The following FCGR2A variants were observed in gnomAD, a reference collection of about 807,000 sequenced individuals.
FCGR2A encodes Fc gamma receptor IIa, also known as low affinity immunoglobulin gamma Fc region receptor II-a.
Under a neutral mutation model 29.3 loss-of-function variants are expected in FCGR2A, and 18 were observed. The observed-to-expected ratio is 0.62, with a 90% CI of 0.43 to 0.91. The LOEUF (loss-of-function observed/expected upper bound fraction) is 0.91, where lower values mean the gene tolerates loss of function less well. Ranked by LOEUF, FCGR2A falls within the 40% of genes least tolerant of loss-of-function variation. The pLI is 0.00. For missense variants in FCGR2A, 287 were observed against 393.0 expected (o/e 0.73, Z 2.28); for synonymous variants, 126 against 144.8 (o/e 0.87, Z 0.93).
rs755168729 is a variant in FCGR2A at position 161,513,949 on chromosome 1, A to G, written c.780+17A>G. ...CAATTTGAGGTGAGTAATCCCAGCC[A>G]TCTCCTTTTCCTCCTGCCTTGTCCC... On this transcript the variant is annotated intron_variant, in intron 6 of 6. Coordinates refer to ENST00000271450, the MANE Select transcript of FCGR2A (RefSeq NM_001136219.3). 34 of 1,614,070 alleles carry G rather than the reference A, an allele frequency of 2.1e-5. No homozygotes were observed. Among genetic ancestry groups the G allele is most frequent in the Middle Eastern group, 3.3e-4 (2 of 6,084 alleles).
At chr1:161,523,347 A>C (rs1676528746), downstream of FCGR2A, 1 of 152,134 alleles carries the variant, frequency 6.6e-6, no homozygotes, top group African/African-American at 2.4e-5. Context: ...GAAAGTGGGA[A>C]ATGGCCTCAA....
chr1:161,513,937 G>A lies in FCGR2A; in HGVS notation c.780+5G>A, dbSNP rs1256300576. 2.0e-5 allele frequency: 32 copies of A among 1,614,228 alleles called. No individual in the cohort carries two copies. The highest frequency in any genetic ancestry group is 2.6e-5 in the Non-Finnish European group (31 of 1,180,042). On this transcript the variant is annotated splice_donor_5th_base_variant and intron_variant, in intron 6 of 6. Coordinates refer to ENST00000271450, the MANE Select transcript of FCGR2A (RefSeq NM_001136219.3). ...GTGAAGGCTGCCCAATTTGAGGTGA[G>A]TAATCCCAGCCATCTCCTTTTCCTC...
At chr1:161,521,507 A>ATATG (rs1241866309), downstream of FCGR2A, among the ~76,000 whole-genome samples, 3 of 151,402 alleles carry the variant, frequency 2.0e-5, no homozygotes, top group Non-Finnish European at 4.4e-5. Flanking sequence ...ACTTTTATAT[A>ATATG]TATATAGTTT....
chr1:161,516,745 G>T (rs1301690793), intron 6 of FCGR2A, among the ~76,000 whole-genome samples: 3 of 147,688 alleles, frequency 2.0e-5, no homozygotes, highest in Non-Finnish European at 1.5e-5. Flanking sequence ...CAAATTCTAG[G>T]CCTGTTCATT....
At chr1:161,515,043 G>A (rs1251383044) in intron 6 of FCGR2A, among the ~76,000 whole-genome samples, 1 of 152,278 alleles carries the variant, frequency 6.6e-6, no homozygotes, top group African/African-American at 2.4e-5. Flanking sequence ...TACCAGAGAT[G>A]ACTTAAAGTT....
chr1:161,510,727 C>A, intron 4 of FCGR2A, 107 bp from the exon 5 acceptor site: 1 of 1,415,194 alleles, frequency 7.1e-7, no homozygotes, highest in Non-Finnish European at 9.7e-7. Flanking sequence ...CTTCAGGTGA[C>A]AAGCACTGGG....
chr1:161,507,737 C>T (rs1453108503), intron 3 of FCGR2A, among the ~76,000 whole-genome samples: 1 of 152,156 alleles, frequency 6.6e-6, no homozygotes, highest in East Asian at 1.9e-4. Flanking sequence ...ATTGGCTTCC[C>T]AGAGACAGCC....
intron 3 of FCGR2A, 122 bp downstream of exon 3, chr1:161,506,713 T>A: frequency 6.7e-7 from 1 of 1,501,588 alleles, no homozygotes; most frequent in Non-Finnish European, 9.0e-7. Flanking sequence ...CTGTTGTGAG[T>A]TGCTCATTCA....
chr1:161,516,245 C>G (rs1571982804), intron 6 of FCGR2A, among the ~76,000 whole-genome samples: 1 of 152,038 alleles, frequency 6.6e-6, no homozygotes, highest in East Asian at 1.9e-4. Context: ...CCAGATAAGA[C>G]AAACTACTAA....
chr1:161,521,518 G>A (rs1274008364), downstream of FCGR2A, among the ~76,000 whole-genome samples: 1 of 151,368 alleles, frequency 6.6e-6, no homozygotes, highest in Non-Finnish European at 1.5e-5. Context: ...TATATAGTTT[G>A]GATTATACTA....
chr1:161,515,564 C>T (rs2102483914), intron 6 of FCGR2A, among the ~76,000 whole-genome samples: 1 of 152,178 alleles, frequency 6.6e-6, no homozygotes, highest in East Asian at 1.9e-4. Context: ...GCTTCGTACC[C>T]TTTCTCTGGG....
Position 161,505,481 on chromosome 1 carries a change from C to T in FCGR2A, c.14C>T (p.Thr5Ile), listed in dbSNP as rs749170200. 1.9e-6 allele frequency: 3 copies of T among 1,613,736 alleles called. No homozygotes were observed. The Admixed American group carries it at 5.0e-5, about 27-fold the overall frequency. MTME[T>I]QMSQNVCPRN... ...CACAGTGCTGGGATGACTATGGAGA[C>T]CCAAATGTCTCAGAATGTATGTCCC... The change falls in exon 1 of 7, where the codon ACC becomes ATC. Residue 5 changes from threonine to isoleucine, a missense_variant. Around this residue, in one of 3 missense-constraint regions of FCGR2A, gnomAD observed 181 missense variants for 250.9 expected, o/e 0.72. Coordinates refer to ENST00000271450, the MANE Select transcript of FCGR2A (RefSeq NM_001136219.3).
chr1:161,523,964 C>A (rs182024819), downstream of FCGR2A: 2 of 154,496 alleles, frequency 1.3e-5, no homozygotes, highest in Non-Finnish European at 2.9e-5. Context: ...AGCTCACTAT[C>A]TCTGGCCATT....
rs551707787 is a variant in FCGR2A, at chr1:161,508,218, C to T, written c.365-1602C>T. ...AAGAGCTCAGCAGTTAATGGCACAGCCAAAATCGCAATCCTGACTTTAGTT... is the reference window on the plus strand; with the variant it reads ...AAGAGCTCAGCAGTTAATGGCACAGTCAAAATCGCAATCCTGACTTTAGTT... On this transcript the variant is annotated intron_variant, in intron 3 of 6. Transcript: ENST00000271450. 1.3e-4 allele frequency among the ~76,000 whole-genome samples: 20 copies of T among 152,126 alleles called. No homozygotes were observed. The East Asian group carries it at 3.9e-3, about 29-fold the overall frequency.
intron 6 of FCGR2A, 121 bp downstream of exon 6, chr1:161,514,053 A>G (rs145947252): frequency 0.018 from 24,554 of 1,391,786 alleles, 295 homozygotes; most frequent in Non-Finnish European, 0.019. Flanking sequence ...CTCCTGAGCA[A>G]ACAAAGCCAC....
At chr1:161,506,083 G>A (rs544836673) in intron 2 of FCGR2A, 76 bp downstream of exon 2, 50 of 1,446,882 alleles carry the variant, frequency 3.5e-5, no homozygotes, top group Admixed American at 5.0e-5. Flanking sequence ...CTGGGGCGGC[G>A]GGGGGGTATG....
intron 2 of FCGR2A, 84 bp from the exon 3 acceptor site, chr1:161,506,250 C>T (rs1005234964): frequency 1.3e-6 from 2 of 1,555,924 alleles, no homozygotes; most frequent in African/African-American, 1.4e-5. Flanking sequence ...CTCTTGGGTG[C>T]CTGACCTCCC....
chr1:161,523,935 C>G (rs1038252025), downstream of FCGR2A: 8 of 152,402 alleles, frequency 5.2e-5, no homozygotes, highest in African/African-American at 1.9e-4. Context: ...AGCTAAAGAC[C>G]TGCAGTATTG....
chr1:161,523,859 G>T (rs1256140482), downstream of FCGR2A: 3 of 152,026 alleles, frequency 2.0e-5, no homozygotes, highest in African/African-American at 4.8e-5. Flanking sequence ...CATTGGCCGG[G>T]AATCGAACCC....
Sources: allele counts gnomAD v4.1 joint callset (sites outside exome capture counted in the v4.1 genomes callset), GRCh38; gene constraint gnomAD v4.1.1; regional missense constraint gnomAD v4.1.1; transcripts MANE v1.5; gene names NCBI Gene and HGNC (gene_info 2026-07-23, HGNC 2026-07-21).